Variants in DOCK9 observed in about 807,000 individuals in gnomAD.
DOCK9 encodes dedicator of cytokinesis 9.
A neutral mutation model predicts 263.3 loss-of-function variants in DOCK9; 89 were observed. That is an observed-to-expected ratio of 0.34 (90% CI 0.28 to 0.40). The LOEUF (loss-of-function observed/expected upper bound fraction) is 0.40. DOCK9 is among the 10% of genes least tolerant of loss of function. DOCK9 has a pLI of 1.00. For missense variants in DOCK9, 2,140 were observed against 2,603.4 expected (o/e 0.82, Z 3.87); for synonymous variants, 976 against 973.1 (o/e 1.00, Z -0.06).
chr13:98,901,866 A>G lies in DOCK9; in HGVS notation c.1415T>C (p.Ile472Thr), dbSNP rs1595135404. The change falls in exon 13 of 53, where the codon ATA becomes ACA. Residue 472 changes from isoleucine (I) to threonine (T), a missense_variant. By Grantham distance (89) the Ile-to-Thr change is moderately conservative. This residue lies in a region of DOCK9 where 1,521 missense variants were observed against 1,741.7 expected (regional missense o/e 0.87). Coordinates refer to ENST00000682017, the MANE Select transcript of DOCK9 (RefSeq NM_001366683.2). ...IFSVTCPHPD[I>T]FLVARIEKVL... ...TTTTTCAATTCTGGCCACAAGAAAT[A>G]TATCTGGATGAGGACAAGTGACTGA... 4 of 1,612,898 alleles carry G rather than the reference A, an allele frequency of 2.5e-6. No individual in the cohort carries two copies. The highest frequency in any genetic ancestry group is 4.5e-5 in the East Asian group (2 of 44,842).
At chr13:99,004,093 G>A (rs577125713) in intron 1 of DOCK9, among the ~76,000 whole-genome samples, 6 of 152,202 alleles carry the variant, frequency 3.9e-5, no homozygotes, top group Non-Finnish European at 7.4e-5. Flanking sequence ...CTGCAGAAAC[G>A]TCCCTCTCCT....
chr13:98,921,942 T>C (rs2052078555), intron 6 of DOCK9, 109 bp downstream of exon 6: 2 of 959,344 alleles, frequency 2.1e-6, no homozygotes, highest in Admixed American at 4.3e-5. Flanking sequence ...TCAGACAATG[T>C]CCCTTTTGTG....
At chr13:99,072,260 G>A (rs183176721) in intron 1 of DOCK9, among the ~76,000 whole-genome samples, 7 of 152,226 alleles carry the variant, frequency 4.6e-5, no homozygotes, top group South Asian at 2.1e-4. Context: ...CTTCCACAGC[G>A]CTACGGTCCC....
At chr13:98,915,937 G>A (rs1248790973) in intron 7 of DOCK9, among the ~76,000 whole-genome samples, 1 of 152,060 alleles carries the variant, frequency 6.6e-6, no homozygotes, top group Non-Finnish European at 1.5e-5. Context: ...TTTTAATGAA[G>A]TAGTGTATGG....
intron 1 of DOCK9, among the ~76,000 whole-genome samples, chr13:98,958,867 AT>A (rs1187504883): frequency 3.9e-5 from 6 of 152,204 alleles, no homozygotes; most frequent in Non-Finnish European, 7.3e-5. Flanking sequence ...AAAATGTTTG[AT>A]AATAAAAATA....
intron 2 of DOCK9, among the ~76,000 whole-genome samples, chr13:98,947,603 G>T (rs576815504): frequency 1.4e-5 from 2 of 147,588 alleles, no homozygotes; most frequent in East Asian, 4.0e-4. Flanking sequence ...TCCGCCTCCC[G>T]GGTTCAAGTG....
chr13:98,881,762 C>G, intron 24 of DOCK9, 130 bp downstream of exon 24: 1 of 1,244,932 alleles, frequency 8.0e-7, no homozygotes, highest in Non-Finnish European at 1.1e-6. Context: ...AGATGGGGTC[C>G]TTACACATGG....
chr13:98,999,290 GCACACA>G lies in DOCK9; in HGVS notation c.130-43745_130-43740del, dbSNP rs1217981239. On this transcript the variant is annotated intron_variant, in intron 1 of 32. Transcript: ENST00000427887. ...AACAGATGTGTGCACGCATGCACGC[GCACACA>G]CACACACACACACACACACACTCTC... is the stretch of plus-strand genomic sequence containing the variant. Among the ~76,000 whole-genome samples the G allele has an allele frequency of 2.7e-5, 4 of 145,762 alleles. 1 individual carries two copies. Among genetic ancestry groups the G allele is most frequent in the Non-Finnish European group, 6.1e-5 (4 of 65,906 alleles).
intron 30 of DOCK9, among the ~76,000 whole-genome samples, chr13:98,865,739 G>A (rs1318649344): frequency 2.0e-5 from 3 of 152,182 alleles, no homozygotes; most frequent in Non-Finnish European, 4.4e-5. Flanking sequence ...ACTGGGCTGA[G>A]GGAGGCTGTG....
intron 48 of DOCK9, among the ~76,000 whole-genome samples, chr13:98,805,589 C>A (rs1486317530): frequency 6.6e-6 from 1 of 152,148 alleles, no homozygotes; most frequent in African/African-American, 2.4e-5. Context: ...TAATACCATC[C>A]AATACCCAGT....
intron 2 of DOCK9, among the ~76,000 whole-genome samples, chr13:98,936,887 T>G (rs971469652): frequency 2.0e-5 from 3 of 152,218 alleles, no homozygotes; most frequent in African/African-American, 7.2e-5. Context: ...TCACACTAAA[T>G]TTCTGTAGTT....
chr13:99,013,560 G>A (rs563479059), intron 1 of DOCK9, among the ~76,000 whole-genome samples: 6 of 152,286 alleles, frequency 3.9e-5, no homozygotes, highest in African/African-American at 1.2e-4. Flanking sequence ...AAGGTGTGCC[G>A]GGGCATTTTA....
intron 1 of DOCK9, among the ~76,000 whole-genome samples, chr13:98,985,686 A>G (rs1254822668): frequency 1.3e-5 from 2 of 152,228 alleles, no homozygotes; most frequent in African/African-American, 4.8e-5. Flanking sequence ...GAGAAACATA[A>G]TGTGCCTGGG....
intron 27 of DOCK9, among the ~76,000 whole-genome samples, chr13:98,878,540 T>C (rs1344716706): frequency 1.3e-5 from 2 of 152,248 alleles, no homozygotes; most frequent in African/African-American, 2.4e-5. Context: ...GATGTGTGTG[T>C]CTGCGTGTGC....
At chr13:99,079,140 G>C (rs1053625831) in intron 1 of DOCK9, among the ~76,000 whole-genome samples, 1 of 152,258 alleles carries the variant, frequency 6.6e-6, no homozygotes, top group Non-Finnish European at 1.5e-5. Context: ...CCGTGGAGTT[G>C]CAGAATGGGG....
At chr13:99,084,704 A>G (rs1326503305) in intron 1 of DOCK9, among the ~76,000 whole-genome samples, 1 of 152,232 alleles carries the variant, frequency 6.6e-6, no homozygotes, top group East Asian at 1.9e-4. Context: ...TTTGGAAATC[A>G]TGGCACACTG....
intron 48 of DOCK9, 73 bp downstream of exon 48, chr13:98,807,588 C>T: frequency 3.1e-6 from 4 of 1,307,882 alleles, no homozygotes; most frequent in African/African-American, 1.5e-5. Flanking sequence ...TTTCTATATA[C>T]ATTTAAAAAT....
At chr13:98,804,910 C>A (rs1174573941) in intron 49 of DOCK9, 89 bp downstream of exon 49, 3 of 1,401,166 alleles carry the variant, frequency 2.1e-6, no homozygotes, top group Non-Finnish European at 2.9e-6. Context: ...CTCGAAAGAC[C>A]CTTCCAGTCC....
chr13:98,837,891 T>A (rs1297390048), intron 38 of DOCK9, among the ~76,000 whole-genome samples: 1 of 152,220 alleles, frequency 6.6e-6, no homozygotes. Flanking sequence ...CACGATTCTA[T>A]GAACTTTACA....
Sources: gnomAD v4.1 joint callset for allele counts (sites outside exome capture counted in the v4.1 genomes callset) on GRCh38, gnomAD v4.1.1 for gene constraint, gnomAD v4.1.1 regional missense constraint, MANE v1.5 for transcripts, NCBI Gene and HGNC (gene_info 2026-07-23, HGNC 2026-07-21) for gene names.